Variants in COP1 observed in about 807,000 individuals in gnomAD.
COP1 encodes the protein COP1 E3 ubiquitin ligase.
COP1 carries 24 observed loss-of-function variants against 101.3 expected under a neutral mutation model. That is an observed-to-expected ratio of 0.24 (90% CI 0.17 to 0.33). COP1 has a LOEUF of 0.33. Among genes scored for constraint, COP1 ranks in the 10% least tolerant of loss-of-function variants. The pLI, the probability that COP1 is intolerant of heterozygous loss-of-function variation, is 1.00. For missense variants in COP1, 663 were observed against 906.2 expected (o/e 0.73, Z 3.45); for synonymous variants, 347 against 341.9 (o/e 1.01, Z -0.17).
chr1:176,086,479 G>A (rs968606678), intron 9 of COP1, among the ~76,000 whole-genome samples: 10 of 152,016 alleles, frequency 6.6e-5, no homozygotes, highest in Non-Finnish European at 1.3e-4. Flanking sequence ...ACCCGCCTCG[G>A]CCTCCCAAAG....
At chr1:175,985,138 A>G (rs1656799796) in intron 18 of COP1, among the ~76,000 whole-genome samples, 1 of 152,218 alleles carries the variant, frequency 6.6e-6, no homozygotes, top group Non-Finnish European at 1.5e-5. Flanking sequence ...CATTCTAAAA[A>G]TAGTTTCCAG....
At chr1:176,198,061 T>C (rs1699886711) in intron 1 of COP1, among the ~76,000 whole-genome samples, 1 of 152,180 alleles carries the variant, frequency 6.6e-6, no homozygotes, top group South Asian at 2.1e-4. Context: ...AATATTAAGA[T>C]GTCATCTTCC....
Position 175,989,474 on chromosome 1 carries a change from A to G in COP1, c.1735T>C (p.Cys579Arg), listed in dbSNP as rs1225474546. 1 of 1,524,166 alleles carries G rather than the reference A, an allele frequency of 6.6e-7. No homozygotes were observed. 94.4% of individuals were successfully genotyped at this position (1,524,166 alleles called of 1,614,324 possible). A position where few individuals can be genotyped will look rare whatever the true frequency, so the allele number is the denominator to read the frequency against. ...TTACGAAGATCATAGTAGTGGACAC[A>G]GTGATCTAAAACAAAACAAAATTAG... is the stretch of plus-strand genomic sequence containing the variant. Reference protein sequence around the residue: ...YHLAFGCADHCVHYYDLRNTK... With the variant: ...YHLAFGCADHRVHYYDLRNTK... Residue 579 changes from cysteine (C) to arginine (R), a missense_variant, in exon 16 of 20, where the codon TGT (cysteine) becomes CGT (arginine). Coordinates refer to ENST00000367669, the MANE Select transcript of COP1 (RefSeq NM_022457.7).
chr1:176,174,744 T>C (rs1398653308), intron 3 of COP1, among the ~76,000 whole-genome samples: 1 of 152,158 alleles, frequency 6.6e-6, no homozygotes, highest in African/African-American at 2.4e-5. Context: ...AATACAAAAG[T>C]AGTCACCACA....
chr1:176,007,957 GCA>G (rs1663763387), intron 15 of COP1, among the ~76,000 whole-genome samples: 1 of 152,146 alleles, frequency 6.6e-6, no homozygotes, highest in South Asian at 2.1e-4. Flanking sequence ...CTGCCGCCTT[GCA>G]GTTTGATCTC....
chr1:176,059,800 G>C (rs755166480), intron 11 of COP1, among the ~76,000 whole-genome samples: 1 of 152,100 alleles, frequency 6.6e-6, no homozygotes, highest in African/African-American at 2.4e-5. Context: ...TCAGAACAGC[G>C]TCAGTGGTTC....
At chr1:176,151,023 T>C (rs539199243) in intron 5 of COP1, among the ~76,000 whole-genome samples, 130 of 152,178 alleles carry the variant, frequency 8.5e-4, no homozygotes, top group African/African-American at 3.0e-3. Context: ...TAACCAATTA[T>C]ACCAAAATGT....
intron 14 of COP1, among the ~76,000 whole-genome samples, chr1:176,042,562 C>CAA (rs1171580353): frequency 1.9e-3 from 101 of 53,078 alleles, no homozygotes; most frequent in Non-Finnish European, 2.8e-3. Context: ...GAATCCGTCT[C>CAA]AAAAAAAAAA....
At chr1:176,097,637 G>C (rs1000298672) in intron 9 of COP1, among the ~76,000 whole-genome samples, 6 of 152,064 alleles carry the variant, frequency 3.9e-5, no homozygotes, top group African/African-American at 1.4e-4. Flanking sequence ...GGGAAGCTGA[G>C]GCAGGTGGAT....
rs534688207 is a variant in COP1 at position 175,948,884 on chromosome 1, G to A, written c.2134-1645C>T. ...TGTTCTTAAAAATAGTAACATGGGGGCTGGGCGCAGTGGCTCACACCTGTA... is the reference window on the plus strand; with the variant it reads ...TGTTCTTAAAAATAGTAACATGGGGACTGGGCGCAGTGGCTCACACCTGTA... On this transcript the variant is annotated intron_variant, in intron 18 of 19. Coordinates refer to ENST00000367669, the MANE Select transcript of COP1 (RefSeq NM_022457.7). Among the ~76,000 whole-genome samples, 7 of 152,114 alleles carry A rather than the reference G, an allele frequency of 4.6e-5. No individual in the cohort carries two copies. The South Asian group carries it at 1.5e-3, about 32-fold the overall frequency.
At chr1:176,036,940 T>C (rs1669665166) in intron 14 of COP1, among the ~76,000 whole-genome samples, 1 of 152,184 alleles carries the variant, frequency 6.6e-6, no homozygotes, top group Non-Finnish European at 1.5e-5. Context: ...AAATAAAATG[T>C]ATCGATTCCC....
intron 11 of COP1, among the ~76,000 whole-genome samples, chr1:176,056,494 T>C (rs946538933): frequency 6.6e-6 from 1 of 152,158 alleles, no homozygotes; most frequent in African/African-American, 2.4e-5. Flanking sequence ...GACTGAACTT[T>C]GATCATTATA....
chr1:176,049,008 T>C (rs1672015088), intron 11 of COP1, among the ~76,000 whole-genome samples: 1 of 150,758 alleles, frequency 6.6e-6, no homozygotes, highest in Admixed American at 6.6e-5. Context: ...CCGTCTCTAC[T>C]GAAAATACAA....
intron 10 of COP1, among the ~76,000 whole-genome samples, chr1:176,082,866 T>C (rs757490399): frequency 4.6e-5 from 7 of 151,778 alleles, no homozygotes; most frequent in Non-Finnish European, 1.0e-4. Context: ...TTGAGGAAAC[T>C]GAGTGAGCTT....
At chr1:175,979,188 C>T (rs1433279638) in intron 18 of COP1, among the ~76,000 whole-genome samples, 1 of 152,080 alleles carries the variant, frequency 6.6e-6, no homozygotes, top group East Asian at 1.9e-4. Context: ...TACCCTCCTC[C>T]TTCCTCCCCC....
chr1:176,002,822 T>C (rs1020943950), intron 15 of COP1, among the ~76,000 whole-genome samples: 13 of 151,118 alleles, frequency 8.6e-5, no homozygotes, highest in African/African-American at 2.9e-4. Context: ...AACATACGTG[T>C]GCATGTGTCT....
rs575327714 is a variant in COP1, at chr1:175,996,204, G to C, written c.1730-6725C>G. Among the ~76,000 whole-genome samples the C allele has an allele frequency of 6.6e-5, 10 of 152,112 alleles. No homozygotes were observed. In the East Asian group the frequency reaches 1.9e-3, roughly 29 times the overall value. ...CTTTGACAAAATTCAACAACCCTTT[G>C]TGCTAAAAACTCTCAATAAATTAGG... On this transcript the variant is annotated intron_variant, in intron 15 of 19. Coordinates refer to ENST00000367669, the MANE Select transcript of COP1 (RefSeq NM_022457.7).
At chr1:176,057,088 A>G (rs2149267553) in intron 11 of COP1, among the ~76,000 whole-genome samples, 1 of 152,344 alleles carries the variant, frequency 6.6e-6, no homozygotes, top group South Asian at 2.1e-4. Flanking sequence ...TTTTACATAG[A>G]AAGACAAACT....
intron 18 of COP1, among the ~76,000 whole-genome samples, chr1:175,986,650 G>T (rs2148721300): frequency 6.6e-6 from 1 of 152,126 alleles, no homozygotes; most frequent in South Asian, 2.1e-4. Flanking sequence ...TATTTTGGAG[G>T]AATTTCCAGT....
Sources: gnomAD v4.1 joint callset for allele counts (sites outside exome capture counted in the v4.1 genomes callset) on GRCh38, gnomAD v4.1.1 for gene constraint, MANE v1.5 for transcripts, NCBI Gene and HGNC (gene_info 2026-07-23, HGNC 2026-07-21) for gene names.